GPHN: variants seen among roughly 807,000 people sequenced by gnomAD.
GPHN encodes gephyrin.
In GPHN, 17 loss-of-function variants were observed where a neutral mutation model predicts 95.5. The ratio of observed to expected loss-of-function variants is 0.18; its 90% CI spans 0.12 to 0.27. GPHN has a LOEUF of 0.27. Ranked by LOEUF, GPHN falls within the 10% of genes least tolerant of loss-of-function variation. The pLI is 1.00. For synonymous variants in GPHN, 320 were observed against 322.5 expected, an observed-to-expected ratio of 0.99 and a Z score of 0.08; for missense variants, 660 against 978.1, an observed-to-expected ratio of 0.67 and a Z score of 4.34.
At chr14:66,688,062 AAACAGTTG>A (rs1246972710) in intron 2 of GPHN, among the ~76,000 whole-genome samples, 1 of 152,240 alleles carries the variant, frequency 6.6e-6, no homozygotes, top group East Asian at 1.9e-4. Flanking sequence ...ACAATGACAT[AAACAGTTG>A]ACTAACACAT....
chr14:67,201,421 C>T, the GPHN span: 1 of 455,460 alleles, frequency 2.2e-6, no homozygotes, highest in African/African-American at 2.0e-5. Flanking sequence ...TTTGCTCTGT[C>T]ACCTTCAAGC....
chr14:67,389,454 G>T, the GPHN span, among the ~76,000 whole-genome samples: 300 of 152,212 alleles, frequency 2.0e-3, no homozygotes, highest in Non-Finnish European at 2.0e-3. Context: ...TTTTGAGATG[G>T]TTCCTTATCT....
intron 4 of GPHN, among the ~76,000 whole-genome samples, chr14:66,867,168 A>C (rs1596205739): frequency 6.6e-6 from 1 of 152,288 alleles, no homozygotes; most frequent in Non-Finnish European, 1.5e-5. Context: ...CCCCAAGAAA[A>C]GATGTTCATT....
chr14:67,499,292 C>T, the GPHN span, among the ~76,000 whole-genome samples: 4 of 152,222 alleles, frequency 2.6e-5, no homozygotes, highest in African/African-American at 9.6e-5. Flanking sequence ...GTATGGGCCA[C>T]TGTGCCCCAC....
At chr14:67,660,016 T>C in the GPHN span, 3 of 1,235,614 alleles carry the variant, frequency 2.4e-6, no homozygotes, top group Non-Finnish European at 3.4e-6. Flanking sequence ...TACTTATTTA[T>C]TTGGACTACA....
the GPHN span, among the ~76,000 whole-genome samples, chr14:67,339,630 G>C: frequency 1.3e-5 from 2 of 152,074 alleles, no homozygotes; most frequent in African/African-American, 4.8e-5. Context: ...TTCTCTCCAA[G>C]TGCTGTGCTA....
rs1274199 is a variant in GPHN, at chr14:67,064,532, C to T, written c.1144+5746C>T. 8.5e-3 allele frequency among the ~76,000 whole-genome samples: 1,296 copies of T among 152,192 alleles called. 18 individuals carry two copies. The highest frequency in any genetic ancestry group is 0.055 in the East Asian group (283 of 5,180). ...GATACCAACTCCTCTTTGTACCTCT[C>T]GTAGAATTTGGCTGTGAATCCATCT... On this transcript the variant is annotated intron_variant, in intron 11 of 22. Coordinates refer to ENST00000478722, the MANE Select transcript of GPHN (RefSeq NM_020806.5).
chr14:66,537,457 T>C (rs1037461962), intron 1 of GPHN, among the ~76,000 whole-genome samples: 1 of 152,172 alleles, frequency 6.6e-6, no homozygotes, highest in East Asian at 1.9e-4. Flanking sequence ...TTTTTTAGTG[T>C]ATCTTAATGT....
At chr14:66,722,264 A>T (rs999122636) in intron 2 of GPHN, among the ~76,000 whole-genome samples, 1 of 152,118 alleles carries the variant, frequency 6.6e-6, no homozygotes, top group Admixed American at 6.6e-5. Flanking sequence ...GTAACATGAA[A>T]TTGTTCTAAC....
At chr14:66,988,062 C>A (rs902149351) in intron 9 of GPHN, among the ~76,000 whole-genome samples, 1 of 151,880 alleles carries the variant, frequency 6.6e-6, no homozygotes, top group African/African-American at 2.4e-5. Context: ...ACTGGTAACT[C>A]CAAATCTGAT....
chr14:66,518,094 C>CAAATAAATAAATAAATAAAT (rs144895971), intron 1 of GPHN, among the ~76,000 whole-genome samples: 1 of 143,846 alleles, frequency 7.0e-6, no homozygotes, highest in African/African-American at 2.6e-5. Flanking sequence ...TCTTAACAGC[C>CAAATAAATAAATAAATAAAT]AAATAAATAA....
Position 67,180,993 on chromosome 14 carries a change from T to C in GPHN, c.*56T>C. 3.2e-6 allele frequency: 5 copies of C among 1,565,190 alleles called. No individual in the cohort carries two copies. Among genetic ancestry groups the C allele is most frequent in the Non-Finnish European group, 4.4e-6 (5 of 1,135,918 alleles). ...TGTCCACATATCATTGACTGTATCC[T>C]GTAATATGCAACGGCACAGCTAGTT... On this transcript the variant is annotated 3_prime_UTR_variant, in exon 23 of 23. Transcript: ENST00000478722.
At position 67,061,684 on chromosome 14, in the gene GPHN, C is replaced by CT. The variant is rs201527983; in HGVS notation, c.1144+2907dup. 2.8e-3 allele frequency among the ~76,000 whole-genome samples: 421 copies of CT among 150,974 alleles called. 1 individual carries two copies. Among genetic ancestry groups the CT allele is most frequent in the Non-Finnish European group, 4.0e-3 (268 of 67,700 alleles). The stretch of plus-strand genomic sequence containing the variant: ...ACCTCTAAGGCTTTATTTATATATC[C>CT]TTTTTTTTTAAGAGACTAGGTCTCA... On this transcript the variant is annotated intron_variant, in intron 11 of 22. Transcript: ENST00000478722.
the GPHN span, chr14:67,316,974 A>T: frequency 1.7e-6 from 2 of 1,211,840 alleles, no homozygotes; most frequent in African/African-American, 1.5e-5. Context: ...GTGAATCTGC[A>T]TATTAGAACC....
chr14:67,395,595 G>A, the GPHN span: 29 of 1,613,602 alleles, frequency 1.8e-5, no homozygotes, highest in Non-Finnish European at 2.4e-5. Flanking sequence ...TGTGGGAAGA[G>A]AGAGCCAGTC....
At chr14:66,997,373 A>G (rs980898319) in intron 9 of GPHN, among the ~76,000 whole-genome samples, 1 of 151,756 alleles carries the variant, frequency 6.6e-6, no homozygotes, top group Admixed American at 6.6e-5. Flanking sequence ...TCTTAAAAAA[A>G]AAAAAAAAAA....
At chr14:67,616,758 C>A in the GPHN span, 1 of 151,480 alleles carries the variant, frequency 6.6e-6, no homozygotes, top group Non-Finnish European at 1.5e-5. Flanking sequence ...AAACATGAAA[C>A]TTACTTATGT....
intron 3 of GPHN, among the ~76,000 whole-genome samples, chr14:66,817,201 A>T (rs2061005070): frequency 6.6e-6 from 1 of 152,028 alleles, no homozygotes; most frequent in South Asian, 2.1e-4. Flanking sequence ...CATGGTTTTT[A>T]AAATAATATA....
intron 9 of GPHN, among the ~76,000 whole-genome samples, chr14:67,001,516 G>T (rs2153610990): frequency 6.6e-6 from 1 of 151,602 alleles, no homozygotes; most frequent in Middle Eastern, 3.4e-3. Flanking sequence ...TCTTTCAATG[G>T]TAATGTTCTT....
Sources: allele counts gnomAD v4.1 joint callset (sites outside exome capture counted in the v4.1 genomes callset), GRCh38; gene constraint gnomAD v4.1.1; transcripts MANE v1.5; gene names NCBI Gene and HGNC (gene_info 2026-07-23, HGNC 2026-07-21).